Variants in PPP2R2B observed in about 807,000 individuals in gnomAD.
PPP2R2B encodes serine/threonine-protein phosphatase 2A 55 kDa regulatory subunit B beta isoform.
In PPP2R2B, 5 loss-of-function variants were observed where a neutral mutation model predicts 46.0. The observed-to-expected ratio is 0.11, with a 90% CI of 0.06 to 0.23. The LOEUF (loss-of-function observed/expected upper bound fraction) is 0.23. Ranked by LOEUF, PPP2R2B falls within the 10% of genes least tolerant of loss-of-function variation. The probability of loss-of-function intolerance (pLI) is 1.00; values close to 1 mark genes in which losing one functional copy is unlikely to be tolerated. For synonymous variants in PPP2R2B, 215 were observed against 206.7 expected, an observed-to-expected ratio of 1.04 and a Z score of -0.34; for missense variants, 367 against 575.0, an observed-to-expected ratio of 0.64 and a Z score of 3.70.
chr5:147,026,317 A>G (rs1439604418), intron 1 of PPP2R2B, among the ~76,000 whole-genome samples: 1 of 152,168 alleles, frequency 6.6e-6, no homozygotes, highest in Admixed American at 6.5e-5. Context: ...TACACACAGT[A>G]ACATTGATGA....
intron 5 of PPP2R2B, among the ~76,000 whole-genome samples, chr5:146,655,397 T>C (rs1561807691): frequency 6.6e-6 from 1 of 152,122 alleles, no homozygotes; most frequent in Non-Finnish European, 1.5e-5. Context: ...TGCTCAAATG[T>C]CACCCCCTCA....
At chr5:147,047,654 T>G (rs1456458005) in intron 1 of PPP2R2B, among the ~76,000 whole-genome samples, 1 of 152,102 alleles carries the variant, frequency 6.6e-6, no homozygotes, top group East Asian at 1.9e-4. Context: ...TTATAGATGA[T>G]AAAATTAAAG....
chr5:146,946,454 G>A (rs1021175867), intron 1 of PPP2R2B, among the ~76,000 whole-genome samples: 1 of 152,084 alleles, frequency 6.6e-6, no homozygotes, highest in Non-Finnish European at 1.5e-5. Context: ...TCAAAAGGCA[G>A]TGCAATCAAT....
intron 2 of PPP2R2B, chr5:146,707,124 C>T: frequency 6.3e-7 from 1 of 1,596,592 alleles, no homozygotes; most frequent in Non-Finnish European, 8.5e-7. Context: ...TGCCAAGCTC[C>T]GCCTCCAGCT....
At chr5:146,932,140 A>G (rs1763989665) in intron 1 of PPP2R2B, among the ~76,000 whole-genome samples, 1 of 151,996 alleles carries the variant, frequency 6.6e-6, no homozygotes, top group Non-Finnish European at 1.5e-5. Flanking sequence ...ACTCCCTTTT[A>G]TTTGTTTGTT....
chr5:146,669,107 T>C (rs1450565100), intron 5 of PPP2R2B, among the ~76,000 whole-genome samples: 1 of 152,228 alleles, frequency 6.6e-6, no homozygotes, highest in Non-Finnish European at 1.5e-5. Context: ...AAAATCACTG[T>C]AGTTGAACAT....
upstream of PPP2R2B, among the ~76,000 whole-genome samples, chr5:146,879,604 A>G (rs773750929): frequency 6.6e-6 from 1 of 152,156 alleles, no homozygotes. Context: ...CAGGAGTCCA[A>G]TTAATACAGA....
Position 147,011,118 on chromosome 5 carries a change from C to T in PPP2R2B, c.79+44547G>A, listed in dbSNP as rs138651444. 4.9e-3 allele frequency among the ~76,000 whole-genome samples: 746 copies of T among 152,240 alleles called. 3 individuals are homozygous for T. The highest frequency in any genetic ancestry group is 0.017 in the African/African-American group (707 of 41,554). ...CTTCAGCCCACTCCAACCACTTGGC[C>T]TCTTTACTGTATTTTATATGTCACA... On this transcript the variant is annotated intron_variant, in intron 1 of 8. Coordinates refer to the PPP2R2B transcript ENST00000336640.
chr5:146,688,000 A>G (rs1160525058), intron 5 of PPP2R2B, among the ~76,000 whole-genome samples: 1 of 152,176 alleles, frequency 6.6e-6, no homozygotes, highest in African/African-American at 2.4e-5. Flanking sequence ...AGTCTGATTA[A>G]TATCACGTCA....
chr5:146,968,197 T>C (rs537763536), intron 1 of PPP2R2B, among the ~76,000 whole-genome samples: 2 of 152,274 alleles, frequency 1.3e-5, no homozygotes, highest in South Asian at 4.2e-4. Flanking sequence ...ATTCCATGGG[T>C]ATCAGTTCAG....
intron 2 of PPP2R2B, among the ~76,000 whole-genome samples, chr5:146,839,124 C>T (rs1438887566): frequency 1.3e-5 from 2 of 152,176 alleles, no homozygotes; most frequent in African/African-American, 4.8e-5. Flanking sequence ...ATTCAGATAT[C>T]ATGTGCCTAC....
chr5:146,928,579 T>C (rs942506440), intron 1 of PPP2R2B, among the ~76,000 whole-genome samples: 1 of 152,174 alleles, frequency 6.6e-6, no homozygotes, highest in Non-Finnish European at 1.5e-5. Context: ...CCACGGTCAC[T>C]GCTACCATCC....
At chr5:146,644,565 G>C (rs1252162013) in intron 6 of PPP2R2B, among the ~76,000 whole-genome samples, 1 of 152,156 alleles carries the variant, frequency 6.6e-6, no homozygotes, top group Non-Finnish European at 1.5e-5. Flanking sequence ...ACCTCATCTC[G>C]ATGGGTAAAG....
At chr5:146,899,772 A>C (rs993923224) in intron 1 of PPP2R2B, among the ~76,000 whole-genome samples, 9 of 152,224 alleles carry the variant, frequency 5.9e-5, no homozygotes, top group African/African-American at 2.2e-4. Flanking sequence ...TATTAAAGAA[A>C]TACTTGAAGA....
At chr5:146,862,841 C>A (rs1314775390) in intron 2 of PPP2R2B, among the ~76,000 whole-genome samples, 1 of 143,486 alleles carries the variant, frequency 7.0e-6, no homozygotes. Flanking sequence ...CAAAGGCAAC[C>A]TGCTTGTCAA....
intron 1 of PPP2R2B, among the ~76,000 whole-genome samples, chr5:146,956,318 C>A (rs889427539): frequency 3.3e-5 from 5 of 152,062 alleles, no homozygotes; most frequent in African/African-American, 1.2e-4. Flanking sequence ...AAAAACTTTG[C>A]CTGAATTCTT....
At position 146,587,607 on chromosome 5, in the gene PPP2R2B, A is replaced by T. The variant is rs147196595; in HGVS notation, c.*2340T>A. On this transcript the variant is annotated 3_prime_UTR_variant, in exon 10 of 10. Coordinates refer to ENST00000394411, the MANE Select transcript of PPP2R2B (RefSeq NM_181675.4). ...AATATGTGAAGAACCACCATCTTTG[A>T]TGCCCCTAAGGGCATAAATCTTCTG... 6.6e-6 allele frequency: 1 copy of T among 152,292 alleles called. No individual in the cohort carries two copies. The highest frequency in any genetic ancestry group is 2.4e-5 in the African/African-American group (1 of 41,566). 9.4% of individuals were successfully genotyped at this position (152,292 alleles called of 1,614,324 possible). A position where few individuals can be genotyped will look rare whatever the true frequency, so the allele number is the denominator to read the frequency against.
intron 2 of PPP2R2B, among the ~76,000 whole-genome samples, chr5:146,790,177 G>T (rs1179678706): frequency 1.3e-5 from 2 of 152,198 alleles, no homozygotes; most frequent in East Asian, 3.9e-4. Context: ...AATGAAAAGG[G>T]CACAGTGGGT....
intron 1 of PPP2R2B, among the ~76,000 whole-genome samples, chr5:146,944,249 C>A (rs1488764568): frequency 4.6e-5 from 7 of 151,948 alleles, no homozygotes; most frequent in Non-Finnish European, 1.0e-4. Context: ...ATCCAGGTAA[C>A]CATGGCAATT....
Sources: allele counts gnomAD v4.1 joint callset (sites outside exome capture counted in the v4.1 genomes callset), GRCh38; gene constraint gnomAD v4.1.1; transcripts MANE v1.5; gene names NCBI Gene and HGNC (gene_info 2026-07-23, HGNC 2026-07-21).